The following DEPDC1B variants were observed in gnomAD, a reference collection of about 807,000 sequenced individuals.
DEPDC1B encodes the protein DEP domain containing 1B.
A neutral mutation model predicts 66.5 loss-of-function variants in DEPDC1B; 51 were observed. That is an observed-to-expected ratio of 0.77 (90% CI 0.61 to 0.97). The LOEUF is 0.97. Among genes scored for constraint, DEPDC1B ranks in the 50% least tolerant of loss-of-function variants. The pLI is 0.00. For synonymous variants in DEPDC1B, 226 were observed against 223.6 expected (o/e 1.01, Z -0.10); for missense variants, 552 against 637.1 (o/e 0.87, Z 1.44).
At chr5:60,672,241 T>C (rs1177791396) in intron 2 of DEPDC1B, among the ~76,000 whole-genome samples, 1 of 152,232 alleles carries the variant, frequency 6.6e-6, no homozygotes, top group Non-Finnish European at 1.5e-5. Flanking sequence ...CTCATTCAAT[T>C]TGAGCGCAAG....
chr5:60,611,390 C>G (rs1273375457), intron 7 of DEPDC1B, among the ~76,000 whole-genome samples: 9 of 152,126 alleles, frequency 5.9e-5, no homozygotes, highest in Admixed American at 5.2e-4. Flanking sequence ...AATTAATAAC[C>G]CTACAATGGC....
intron 7 of DEPDC1B, among the ~76,000 whole-genome samples, chr5:60,631,957 A>G (rs567319139): frequency 6.6e-6 from 1 of 152,298 alleles, no homozygotes; most frequent in South Asian, 2.1e-4. Flanking sequence ...CTCCCCATAC[A>G]CTAAACCCAT....
chr5:60,659,609 A>G (rs1280498949), intron 2 of DEPDC1B, among the ~76,000 whole-genome samples: 4 of 152,196 alleles, frequency 2.6e-5, no homozygotes, highest in South Asian at 2.1e-4. Flanking sequence ...GCCAGTTGAG[A>G]TCACGGCACA....
chr5:60,653,837 C>G (rs1489027655), intron 2 of DEPDC1B, among the ~76,000 whole-genome samples: 1 of 145,984 alleles, frequency 6.9e-6, no homozygotes, highest in African/African-American at 2.7e-5. Flanking sequence ...TGCCAATTAT[C>G]CCAGCACCAT....
chr5:60,667,596 G>A lies in DEPDC1B; in HGVS notation c.314+19366C>T, dbSNP rs547335651. ...GTGGATATTTTACATATATAAAAAT[G>A]GATATTTTACATATATATAAAAAAT... On this transcript the variant is annotated intron_variant, in intron 2 of 10. Transcript: ENST00000265036. Among the ~76,000 whole-genome samples the A allele has an allele frequency of 1.1e-3, 151 of 140,504 alleles. 1 individual carries two copies. The highest frequency in any genetic ancestry group is 1.9e-3 in the Non-Finnish European group (123 of 66,418). The allele number at this position is 140,504 out of a possible 152,430, so 92.2% of individuals were successfully genotyped here.
chr5:60,600,608 T>C (rs756480549), intron 9 of DEPDC1B, among the ~76,000 whole-genome samples: 2 of 152,188 alleles, frequency 1.3e-5, no homozygotes, highest in African/African-American at 2.4e-5. Context: ...GCAATTCTAA[T>C]ATGTACTTGC....
chr5:60,599,010 A>AT (rs1363044208), intron 10 of DEPDC1B, 65 bp downstream of exon 10: 8 of 1,193,762 alleles, frequency 6.7e-6, no homozygotes, highest in Admixed American at 3.3e-5. Flanking sequence ...GCCTATTAAA[A>AT]TAAAAAAAAA....
At position 60,686,960 on chromosome 5, in the gene DEPDC1B, AC is replaced by A; in HGVS notation, c.314+1del. The A allele has an allele frequency of 3.1e-6, 5 of 1,614,044 alleles. No homozygotes were observed. Among genetic ancestry groups the A allele is most frequent in the Non-Finnish European group, 4.2e-6 (5 of 1,179,924 alleles). On this transcript the variant is annotated splice_donor_variant, in intron 2 of 10. Transcript: ENST00000265036. LOFTEE classifies it high-confidence loss of function. The stretch of plus-strand genomic sequence containing the variant: ...CCTTCCAGGTTTACATGTTGCCATT[AC>A]CTGTATAAGTGACGATTGTCTTCAA...
chr5:60,643,985 A>T lies in DEPDC1B; in HGVS notation c.709+760T>A, dbSNP rs377329446. 2.6e-5 allele frequency among the ~76,000 whole-genome samples: 4 copies of T among 152,192 alleles called. No individual in the cohort carries two copies. The East Asian group carries it at 7.7e-4, about 29-fold the overall frequency. On this transcript the variant is annotated intron_variant, in intron 5 of 10. Transcript: ENST00000265036. ...GGAGCCTCCAGCCCTAAATTTAATC[A>T]TATTTTTAAAAAGTCAAGAAGTATT...
chr5:60,699,372 C>G (rs1754724278), intron 1 of DEPDC1B, among the ~76,000 whole-genome samples: 1 of 33,710 alleles, frequency 3.0e-5, no homozygotes, highest in African/African-American at 8.9e-5. Flanking sequence ...CAGACATTAC[C>G]AAACTGTCAC....
At chr5:60,635,603 A>G (rs1373931605) in intron 7 of DEPDC1B, among the ~76,000 whole-genome samples, 2 of 152,216 alleles carry the variant, frequency 1.3e-5, no homozygotes, top group African/African-American at 4.8e-5. Context: ...AAGTGAAGAG[A>G]GTCAAGTGAA....
chr5:60,620,705 G>A (rs1752681907), intron 7 of DEPDC1B, among the ~76,000 whole-genome samples: 1 of 152,176 alleles, frequency 6.6e-6, no homozygotes, highest in East Asian at 1.9e-4. Flanking sequence ...CTGTAAACTG[G>A]TTCAACCATT....
intron 2 of DEPDC1B, among the ~76,000 whole-genome samples, chr5:60,653,002 C>G (rs893388929): frequency 6.7e-6 from 1 of 149,232 alleles, no homozygotes; most frequent in African/African-American, 2.5e-5. Context: ...TCTTTATCCA[C>G]TCATTGATTA....
intron 7 of DEPDC1B, among the ~76,000 whole-genome samples, chr5:60,633,369 C>G (rs1456865941): frequency 3.3e-5 from 5 of 152,226 alleles, no homozygotes; most frequent in South Asian, 2.1e-4. Context: ...CTGCAAGACT[C>G]TCTCTCTACT....
intron 2 of DEPDC1B, among the ~76,000 whole-genome samples, chr5:60,657,048 T>C (rs1440367401): frequency 1.3e-5 from 2 of 152,246 alleles, no homozygotes; most frequent in Admixed American, 1.3e-4. Flanking sequence ...ATAATATTCC[T>C]CTTTGTCTTT....
Position 60,664,977 on chromosome 5 carries a change from G to A in DEPDC1B, c.315-17444C>T, listed in dbSNP as rs547197425. Among the ~76,000 whole-genome samples the A allele has an allele frequency of 9.2e-5, 14 of 152,190 alleles. No individual in the cohort carries two copies. The South Asian group carries it at 1.0e-3, about 11-fold the overall frequency. ...AAAGAGGTGGCAGTCTTACACTGCC[G>A]GGGTCATCAGAAAGGAAAGGGAAAT... On this transcript the variant is annotated intron_variant, in intron 2 of 10. Transcript: ENST00000265036.
intron 2 of DEPDC1B, among the ~76,000 whole-genome samples, chr5:60,667,475 T>C (rs1248038508): frequency 2.7e-5 from 4 of 146,048 alleles, no homozygotes; most frequent in Non-Finnish European, 6.1e-5. Flanking sequence ...AAAATGGATA[T>C]TTTACATATA....
At chr5:60,691,044 C>T (rs1264005451) in intron 1 of DEPDC1B, among the ~76,000 whole-genome samples, 1 of 144,220 alleles carries the variant, frequency 6.9e-6, no homozygotes. Context: ...ATCGATCTTT[C>T]ACTTTTTCTA....
chr5:60,659,890 G>T (rs534669395), intron 2 of DEPDC1B, among the ~76,000 whole-genome samples: 1 of 152,194 alleles, frequency 6.6e-6, no homozygotes, highest in South Asian at 2.1e-4. Flanking sequence ...TCTTGTCCCC[G>T]GTGTCCCTCC....
Sources: gnomAD v4.1 joint callset for allele counts (sites outside exome capture counted in the v4.1 genomes callset) on GRCh38, gnomAD v4.1.1 for gene constraint, MANE v1.5 for transcripts, NCBI Gene and HGNC (gene_info 2026-07-23, HGNC 2026-07-21) for gene names.